Variants in BNC2 observed in about 807,000 individuals in gnomAD.
The protein encoded by BNC2 is zinc finger protein basonuclin-2.
BNC2 carries 20 observed loss-of-function variants against 76.3 expected under a neutral mutation model. The ratio of observed to expected loss-of-function variants is 0.26; its 90% confidence interval spans 0.18 to 0.38. BNC2 has a LOEUF of 0.38. Ranked by LOEUF, BNC2 falls within the 10% of genes least tolerant of loss-of-function variation. The probability of loss-of-function intolerance (pLI) is 1.00; values close to 1 mark genes in which losing one functional copy is unlikely to be tolerated. For synonymous variants in BNC2, 582 were observed against 514.8 expected (o/e 1.13, Z -1.77); for missense variants, 1,382 against 1,399.8 (o/e 0.99, Z 0.20).
chr9:16,710,211 G>A (rs1049853856), intron 3 of BNC2, among the ~76,000 whole-genome samples: 1 of 152,004 alleles, frequency 6.6e-6, no homozygotes, highest in Non-Finnish European at 1.5e-5. Flanking sequence ...TGACAATGAT[G>A]GACCTTCCAC....
At chr9:16,703,392 A>C (rs1479251943) in intron 3 of BNC2, among the ~76,000 whole-genome samples, 1 of 152,184 alleles carries the variant, frequency 6.6e-6, no homozygotes. Flanking sequence ...CACATTTTAA[A>C]ATGTACAACT....
At chr9:16,785,645 G>GC (rs1294870952) in intron 1 of BNC2, among the ~76,000 whole-genome samples, 2 of 144,700 alleles carry the variant, frequency 1.4e-5, no homozygotes, top group Non-Finnish European at 3.0e-5. Context: ...TGATCGGCCC[G>GC]CCTCGGCCTC....
intron 3 of BNC2, among the ~76,000 whole-genome samples, chr9:16,665,411 A>AAAG (rs1822247797): frequency 8.7e-6 from 1 of 115,378 alleles, no homozygotes; most frequent in African/African-American, 3.3e-5. Flanking sequence ...AGAAAGAGAG[A>AAAG]AAAGAAAGGA....
At chr9:16,846,156 ATTAAT>A (rs1195140281) in intron 1 of BNC2, among the ~76,000 whole-genome samples, 1 of 148,242 alleles carries the variant, frequency 6.7e-6, no homozygotes, top group Non-Finnish European at 1.5e-5. Flanking sequence ...AAAAAAAAAA[ATTAAT>A]TTAGTATAAA....
chr9:16,843,664 G>T (rs1396732734), intron 1 of BNC2, among the ~76,000 whole-genome samples: 1 of 152,182 alleles, frequency 6.6e-6, no homozygotes, highest in African/African-American at 2.4e-5. Flanking sequence ...TTTTATAAAT[G>T]AAAAATCTAT....
chr9:16,672,268 C>T lies in BNC2; in HGVS notation c.330+55529G>A, dbSNP rs572107324. ...ATCCCAGCACTTTGGGAGGCCGAGGCGGGCGGATCACGAGGTCAGGAGATC... is the reference window on the plus strand; with the variant it reads ...ATCCCAGCACTTTGGGAGGCCGAGGTGGGCGGATCACGAGGTCAGGAGATC... On this transcript the variant is annotated intron_variant, in intron 3 of 6. Transcript: ENST00000380672. Among the ~76,000 whole-genome samples, 3 of 152,206 alleles carry T rather than the reference C, an allele frequency of 2.0e-5. No individual in the cohort carries two copies. The East Asian group carries it at 5.8e-4, about 29-fold the overall frequency.
chr9:16,610,804 A>G (rs1217669304), intron 3 of BNC2, among the ~76,000 whole-genome samples: 1 of 152,176 alleles, frequency 6.6e-6, no homozygotes, highest in East Asian at 1.9e-4. Context: ...ACCCATTTTC[A>G]AGATGACGTG....
chr9:16,613,240 A>T (rs10125014), intron 3 of BNC2, among the ~76,000 whole-genome samples: 144,896 of 152,276 alleles, frequency 0.95, 68,961 homozygotes, highest in East Asian at 0.98. Context: ...AGTTTGAATA[A>T]GCAAATACCC....
chr9:16,797,901 T>C (rs910733530), intron 1 of BNC2, among the ~76,000 whole-genome samples: 2 of 152,160 alleles, frequency 1.3e-5, no homozygotes, highest in African/African-American at 4.8e-5. Context: ...AAGTATGGGA[T>C]ATCCACAGGA....
rs35957070 is a variant in BNC2, at chr9:16,467,846, T to TAA, written c.670-30324_670-30323dup. Among the ~76,000 whole-genome samples, 271 of 141,466 alleles carry TAA rather than the reference T, an allele frequency of 1.9e-3. 3 individuals are homozygous for TAA. Among genetic ancestry groups the TAA allele is most frequent in the African/African-American group, 6.4e-3 (248 of 38,640 alleles). The allele number at this position is 141,466 out of a possible 152,430, so 92.8% of individuals were successfully genotyped here. On this transcript the variant is annotated intron_variant, in intron 5 of 6. Transcript: ENST00000380672. The stretch of plus-strand genomic sequence containing the variant: ...TTAGAGTATAATAAAAAAAAAAAAT[T>TAA]AAAAAAAAAAAAATGCCATCTTCTG...
chr9:16,728,229 C>T (rs1414819582), intron 2 of BNC2: 2 of 594,566 alleles, frequency 3.4e-6, no homozygotes, highest in East Asian at 6.0e-5. Flanking sequence ...GTCAGGTGTG[C>T]AGGCGGCACT....
At chr9:16,837,992 T>C (rs1818745946) in intron 1 of BNC2, among the ~76,000 whole-genome samples, 1 of 152,112 alleles carries the variant, frequency 6.6e-6, no homozygotes, top group South Asian at 2.1e-4. Context: ...TTATGATACC[T>C]GGTATAAAAA....
chr9:16,848,205 CAAAGT>C (rs1391514052), intron 1 of BNC2, among the ~76,000 whole-genome samples: 2 of 152,058 alleles, frequency 1.3e-5, no homozygotes, highest in African/African-American at 4.8e-5. Context: ...TTCAAAATAT[CAAAGT>C]AAAGAGAAGG....
chr9:16,851,501 G>C (rs1443324005), intron 1 of BNC2, among the ~76,000 whole-genome samples: 2 of 152,038 alleles, frequency 1.3e-5, no homozygotes, highest in Non-Finnish European at 2.9e-5. Context: ...GTGAGACCCT[G>C]TCTCAAAAAA....
chr9:16,748,446 C>T (rs1432069341), intron 1 of BNC2, among the ~76,000 whole-genome samples: 4 of 151,892 alleles, frequency 2.6e-5, no homozygotes, highest in South Asian at 2.1e-4. Flanking sequence ...CCGGGGTGGT[C>T]GAGGCTACAG....
intron 1 of BNC2, among the ~76,000 whole-genome samples, chr9:16,796,602 GAAGGGAAGGGAAAGGGA>G (rs1282812104): frequency 1.4e-3 from 213 of 149,442 alleles, no homozygotes; most frequent in African/African-American, 4.4e-3. Flanking sequence ...GAAAGGAAGG[GAAGGGAAGGGAAAGGGA>G]AAGGGAAGGG....
intron 5 of BNC2, among the ~76,000 whole-genome samples, chr9:16,516,542 C>T (rs990480545): frequency 2.0e-5 from 3 of 152,278 alleles, no homozygotes; most frequent in African/African-American, 4.8e-5. Flanking sequence ...CCCCCCAATA[C>T]AGGGTGAGAA....
intron 3 of BNC2, among the ~76,000 whole-genome samples, chr9:16,725,473 A>C (rs895534984): frequency 6.6e-6 from 1 of 152,128 alleles, no homozygotes; most frequent in Non-Finnish European, 1.5e-5. Flanking sequence ...TGACAGAAAA[A>C]GGTGGGTTGG....
At chr9:16,639,515 A>G (rs1658699301) in intron 3 of BNC2, among the ~76,000 whole-genome samples, 1 of 152,170 alleles carries the variant, frequency 6.6e-6, no homozygotes, top group Admixed American at 6.6e-5. Context: ...TCTTTATGTT[A>G]GTGCCTCTTC....
Sources: allele counts gnomAD v4.1 joint callset (sites outside exome capture counted in the v4.1 genomes callset), GRCh38; gene constraint gnomAD v4.1.1; transcripts MANE v1.5; gene names NCBI Gene and HGNC (gene_info 2026-07-23, HGNC 2026-07-21).